ITGB2: variants seen among roughly 807,000 people sequenced by gnomAD.
ITGB2 encodes integrin subunit beta 2, also known as integrin beta-2.
ITGB2 carries 56 observed loss-of-function variants against 86.8 expected under a neutral mutation model. The observed-to-expected ratio is 0.65, with a 90% CI of 0.52 to 0.81. The LOEUF (loss-of-function observed/expected upper bound fraction) is 0.81, where lower values mean the gene tolerates loss of function less well. Ranked by LOEUF, ITGB2 falls within the 30% of genes least tolerant of loss-of-function variation. The pLI is 0.00. For synonymous variants in ITGB2, 457 were observed against 450.4 expected, an observed-to-expected ratio of 1.01 and a Z score of -0.19; for missense variants, 948 against 1,061.2, an observed-to-expected ratio of 0.89 and a Z score of 1.48.
rs770882421 is a variant in ITGB2, at chr21:44,900,326, G to A, written c.891C>T (p.Asn297=). 6 of 1,614,162 alleles carry A rather than the reference G, an allele frequency of 3.7e-6. No individual in the cohort carries two copies. Among genetic ancestry groups the A allele is most frequent in the Middle Eastern group, 1.6e-4 (1 of 6,062 alleles). The change falls in exon 7 of 16, where the codon AAC becomes AAT. Residue 297 remains asparagine, a synonymous_variant. Transcript: ENST00000652462. ...GCCTGGGGTGGGGACTTACGAATTCGTTGCTCCTCTTGTACAAGTTGTCCT... is the reference window on the plus strand; with the variant it reads ...GCCTGGGGTGGGGACTTACGAATTCATTGCTCCTCTTGTACAAGTTGTCCT... ...HLEDNLYKRS[N]EFDYPSVGQL...
intron 1 of ITGB2, among the ~76,000 whole-genome samples, chr21:44,915,697 G>T (rs1171712174): frequency 6.6e-6 from 1 of 152,222 alleles, no homozygotes; most frequent in African/African-American, 2.4e-5. Flanking sequence ...GTGCCGTCAG[G>T]TGGGGACTGG....
chr21:44,924,209 C>T (rs2084344071), upstream of ITGB2, among the ~76,000 whole-genome samples: 2 of 151,930 alleles, frequency 1.3e-5, no homozygotes, highest in South Asian at 4.2e-4. Context: ...GTGAGCGGAT[C>T]ACCTGAGGTT....
At chr21:44,894,766 G>A (rs541574109) in intron 9 of ITGB2, 26 of 624,734 alleles carry the variant, frequency 4.2e-5, no homozygotes, top group Non-Finnish European at 6.1e-5. Flanking sequence ...CAACATCAAC[G>A]AGAGAGGACC....
At chr21:44,905,819 C>T (rs2084034010) in intron 4 of ITGB2, among the ~76,000 whole-genome samples, 1 of 152,208 alleles carries the variant, frequency 6.6e-6, no homozygotes, top group Non-Finnish European at 1.5e-5. Flanking sequence ...TGCCTCCCTC[C>T]CGGCTGCTGC....
At chr21:44,928,259 G>A (rs1601351133) in intron 1 of ITGB2, 2 of 152,256 alleles carry the variant, frequency 1.3e-5, no homozygotes, top group Non-Finnish European at 2.9e-5. Context: ...GGGGAGTTAT[G>A]CTGGGAAGTC....
chr21:44,926,061 T>C (rs551556935), intron 1 of ITGB2, among the ~76,000 whole-genome samples: 1 of 152,200 alleles, frequency 6.6e-6, no homozygotes, highest in African/African-American at 2.4e-5. Context: ...GCCAAGATCG[T>C]GCCACTGCAC....
At chr21:44,924,284 G>A (rs1210360967), upstream of ITGB2, among the ~76,000 whole-genome samples, 1 of 151,844 alleles carries the variant, frequency 6.6e-6, no homozygotes. Flanking sequence ...ACAAAAATTA[G>A]CTGGGCATGG....
At chr21:44,924,156 G>A (rs1004441858), upstream of ITGB2, among the ~76,000 whole-genome samples, 21 of 152,206 alleles carry the variant, frequency 1.4e-4, no homozygotes, top group African/African-American at 4.6e-4. Flanking sequence ...CAGGCCAGTC[G>A]CGGTGGCTCA....
chr21:44,895,914 A>T (rs1462488998), intron 8 of ITGB2, among the ~76,000 whole-genome samples: 1 of 140,108 alleles, frequency 7.1e-6, no homozygotes, highest in Non-Finnish European at 1.5e-5. Context: ...AATAAAAAAT[A>T]AAAAAAAAAT....
At chr21:44,920,224 C>T (rs191913154) in intron 1 of ITGB2, among the ~76,000 whole-genome samples, 27 of 152,200 alleles carry the variant, frequency 1.8e-4, no homozygotes, top group African/African-American at 5.8e-4. Context: ...TGCGCACACT[C>T]GCACACCATA....
chr21:44,889,591 C>G lies in ITGB2; in HGVS notation c.1658-96G>C, dbSNP rs1321478147. On this transcript the variant is annotated intron_variant, in intron 12 of 15. Transcript: ENST00000652462. Reference sequence around the variant, plus strand: ...CGGTTGCTCCCTCCGGCCCGCCTGCCTCCTCCAGCCTGGGGGATGTTCCTG... The same window carrying G: ...CGGTTGCTCCCTCCGGCCCGCCTGCGTCCTCCAGCCTGGGGGATGTTCCTG... 1.7e-5 allele frequency: 19 copies of G among 1,108,854 alleles called. No homozygotes were observed. In the East Asian group the frequency reaches 4.1e-4, roughly 24 times the overall value. 68.7% of individuals were successfully genotyped at this position (1,108,854 alleles called of 1,614,324 possible). A position where few individuals can be genotyped will look rare whatever the true frequency, so the allele number is the denominator to read the frequency against.
chr21:44,925,870 A>G (rs1449193756), upstream of ITGB2, among the ~76,000 whole-genome samples: 1 of 152,324 alleles, frequency 6.6e-6, no homozygotes, highest in East Asian at 1.9e-4. Flanking sequence ...CGAGGTCAGG[A>G]GTTCGAGACC....
chr21:44,889,209 C>A, intron 13 of ITGB2, 67 bp downstream of exon 13: 1 of 1,516,830 alleles, frequency 6.6e-7, no homozygotes. Context: ...CGAGTGAGCC[C>A]GGCTGCTGGG....
At position 44,889,999 on chromosome 21, in the gene ITGB2, C is replaced by T. The variant is rs1052752055; in HGVS notation, c.1636G>A (p.Gly546Ser). 7 of 1,613,300 alleles carry T rather than the reference C, an allele frequency of 4.3e-6. No homozygotes were observed. The highest frequency in any genetic ancestry group is 1.3e-5 in the African/African-American group (1 of 75,036). Reference sequence around the variant, plus strand: ...TCACCCGGGCCGCCGCAGACCTGGCCGTTGTAGCGCTCACAGTTGATGGTG... The same window carrying T: ...TCACCCGGGCCGCCGCAGACCTGGCTGTTGTAGCGCTCACAGTTGATGGTG... ...CDTINCERYN[G>S]QVCGGPGRGL... is the part of the protein sequence containing the mutation. The change falls in exon 12 of 16, where the codon GGC becomes AGC. Residue 546 changes from glycine (G) to serine (S), a missense_variant. By Grantham distance (56) the Gly-to-Ser change is moderately conservative. Transcript: ENST00000652462.
intron 3 of ITGB2, among the ~76,000 whole-genome samples, chr21:44,908,767 A>T (rs1221551589): frequency 6.6e-6 from 1 of 152,198 alleles, no homozygotes; most frequent in Non-Finnish European, 1.5e-5. Context: ...AAGGAACCCG[A>T]GCCGTCAGAA....
chr21:44,895,952 G>A (rs981706747), intron 8 of ITGB2, among the ~76,000 whole-genome samples: 2 of 151,026 alleles, frequency 1.3e-5, no homozygotes, highest in Non-Finnish European at 3.0e-5. Flanking sequence ...GATAAGAAAA[G>A]AAAGCAAAGC....
intron 8 of ITGB2, 81 bp from the exon 9 acceptor site, chr21:44,895,141 T>C: frequency 9.8e-7 from 1 of 1,024,576 alleles, no homozygotes; most frequent in Non-Finnish European, 1.5e-6. Context: ...CCCCAGGGGC[T>C]TCTGCACCTG....
chr21:44,922,715 A>C (rs200126628), upstream of ITGB2, among the ~76,000 whole-genome samples: 4 of 152,036 alleles, frequency 2.6e-5, no homozygotes, highest in African/African-American at 9.7e-5. Context: ...GGGAAAATAG[A>C]ACAAACAAGA....
rs769961843 is a variant in ITGB2 at position 44,893,565 on chromosome 21, CTCT to C, written c.1084-24_1084-22del. The C allele has an allele frequency of 1.6e-5, 26 of 1,613,018 alleles. No individual in the cohort carries two copies. In the African/African-American group the frequency reaches 3.2e-4, roughly 20 times the overall value. On this transcript the variant is annotated intron_variant, in intron 9 of 15. Coordinates refer to ENST00000652462, the MANE Select transcript of ITGB2 (RefSeq NM_000211.5). The stretch of plus-strand genomic sequence containing the variant: ...AGTTTCTGCGGGCAGAGAGCGGTTA[CTCT>C]TGGGGGCGAGTGTTTCTGTTGTCCT...
Sources: gnomAD v4.1 joint callset for allele counts (sites outside exome capture counted in the v4.1 genomes callset) on GRCh38, gnomAD v4.1.1 for gene constraint, MANE v1.5 for transcripts, NCBI Gene and HGNC (gene_info 2026-07-23, HGNC 2026-07-21) for gene names.